ARHGAP32: variants seen among roughly 807,000 people sequenced by gnomAD.
ARHGAP32 encodes the protein rho GTPase-activating protein 32.
In ARHGAP32, 51 loss-of-function variants were observed where a neutral mutation model predicts 186.5. The observed-to-expected ratio is 0.27, with a 90% CI of 0.22 to 0.35. The LOEUF is 0.35. Among genes scored for constraint, ARHGAP32 ranks in the 10% least tolerant of loss-of-function variants. ARHGAP32 has a pLI of 1.00. For synonymous variants in ARHGAP32, 950 were observed against 964.3 expected (o/e 0.99, Z 0.27); for missense variants, 2,186 against 2,623.5 (o/e 0.83, Z 3.64).
In ARHGAP32 at chr11:129,151,021, A is replaced by C. The variant is rs184186693; in HGVS notation, c.225+13298T>G. 5.0e-3 allele frequency among the ~76,000 whole-genome samples: 757 copies of C among 152,212 alleles called. 1 individual carries two copies. Among genetic ancestry groups the C allele is most frequent in the African/African-American group, 0.018 (729 of 41,562 alleles). On this transcript the variant is annotated intron_variant, in intron 2 of 22. Transcript: ENST00000682385. ...GACAACTCAACAAAACTTAAGGTAA[A>C]GGGGTGGGAAAAGATATTCCACACA...
chr11:129,053,497 A>T (rs923961761), intron 10 of ARHGAP32, among the ~76,000 whole-genome samples: 7 of 152,176 alleles, frequency 4.6e-5, no homozygotes, highest in Non-Finnish European at 1.0e-4. Context: ...TGATTCACAC[A>T]AGTAAACAAG....
chr11:129,124,941 C>T (rs762905961), intron 2 of ARHGAP32, 47 bp from the exon 3 acceptor site: 2 of 1,432,476 alleles, frequency 1.4e-6, no homozygotes, highest in East Asian at 4.6e-5. Flanking sequence ...TTTAGTATTA[C>T]ACTTTTTTAA....
intron 11 of ARHGAP32, 107 bp downstream of exon 11, chr11:129,040,821 C>A: frequency 1.5e-6 from 1 of 668,060 alleles, no homozygotes. Flanking sequence ...AATTATTATG[C>A]CTATAAATGC....
intron 2 of ARHGAP32, among the ~76,000 whole-genome samples, chr11:129,148,094 T>C (rs1007592580): frequency 2.0e-5 from 3 of 152,196 alleles, no homozygotes; most frequent in Admixed American, 6.5e-5. Context: ...AGATGGTGGA[T>C]AGCAGACAAT....
intron 2 of ARHGAP32, among the ~76,000 whole-genome samples, chr11:129,129,398 C>T (rs1474572144): frequency 6.6e-6 from 1 of 150,976 alleles, no homozygotes; most frequent in Non-Finnish European, 1.5e-5. Context: ...CGGCAGCCGC[C>T]CAGTCCGGGA....
At chr11:128,985,852 G>GTATATATATATATA (rs1356966729) in intron 15 of ARHGAP32, 151 bp downstream of exon 15, 13 of 129,748 alleles carry the variant, frequency 1.0e-4, no homozygotes, top group Admixed American at 1.9e-4. Context: ...GTGTGTGTGT[G>GTATATATATATATA]TGTGTGTATA....
At chr11:128,999,990 T>C (rs1404101218) in intron 11 of ARHGAP32, among the ~76,000 whole-genome samples, 1 of 152,224 alleles carries the variant, frequency 6.6e-6, no homozygotes, top group Non-Finnish European at 1.5e-5. Context: ...TTTTACTTGA[T>C]GGTTAGAAAT....
chr11:129,119,927 G>C (rs750353835), intron 5 of ARHGAP32, among the ~76,000 whole-genome samples: 8 of 152,058 alleles, frequency 5.3e-5, no homozygotes, highest in Non-Finnish European at 1.2e-4. Flanking sequence ...AGGTCGGAAA[G>C]GTAAGGGTAC....
intron 11 of ARHGAP32, chr11:129,023,873 C>T (rs1035570061): frequency 2.9e-5 from 29 of 983,650 alleles, no homozygotes; most frequent in Non-Finnish European, 3.4e-5. Flanking sequence ...TGTTGTGGTA[C>T]AAGTTTTAAG....
At chr11:129,210,547 A>G (rs1944566297) in intron 1 of ARHGAP32, among the ~76,000 whole-genome samples, 1 of 152,134 alleles carries the variant, frequency 6.6e-6, no homozygotes, top group South Asian at 2.1e-4. Flanking sequence ...TTTTCAAATT[A>G]TTACCCAGTC....
At chr11:129,130,238 C>G (rs556243156) in intron 2 of ARHGAP32, among the ~76,000 whole-genome samples, 55 of 152,166 alleles carry the variant, frequency 3.6e-4, no homozygotes, top group African/African-American at 1.3e-3. Context: ...TTCAAAAGAA[C>G]AGCATTGTCA....
chr11:129,261,006 T>A (rs1036308353), intron 1 of ARHGAP32, among the ~76,000 whole-genome samples: 1 of 152,006 alleles, frequency 6.6e-6, no homozygotes, highest in African/African-American at 2.4e-5. Flanking sequence ...CAAACACTTC[T>A]AGAAAGCTGA....
intron 2 of ARHGAP32, among the ~76,000 whole-genome samples, chr11:129,151,782 G>C (rs1943293891): frequency 6.6e-6 from 1 of 151,990 alleles, no homozygotes; most frequent in African/African-American, 2.4e-5. Flanking sequence ...AGTGAAAACA[G>C]ACTATCTAAG....
chr11:129,058,960 A>AT (rs1047350796), intron 10 of ARHGAP32, among the ~76,000 whole-genome samples: 30 of 152,230 alleles, frequency 2.0e-4, no homozygotes, highest in African/African-American at 5.5e-4. Flanking sequence ...CATACAATTG[A>AT]TTAATCATCA....
rs144175516 is a variant in ARHGAP32, at chr11:129,109,939, T to C, written c.444+13507A>G. ...GATTGTTTCCTAGCTGTGCAAAAGG[T>C]TCTTAGTTTAATAGAGTATCATTTG... is the stretch of plus-strand genomic sequence containing the variant. On this transcript the variant is annotated intron_variant, in intron 5 of 22. Transcript: ENST00000682385. Among the ~76,000 whole-genome samples the C allele has an allele frequency of 6.6e-5, 10 of 152,238 alleles. No homozygotes were observed. The East Asian group carries it at 1.9e-3, about 29-fold the overall frequency.
chr11:129,059,994 C>T (rs1051459618), intron 10 of ARHGAP32, among the ~76,000 whole-genome samples: 5 of 152,134 alleles, frequency 3.3e-5, no homozygotes, highest in African/African-American at 1.2e-4. Flanking sequence ...GGTTACAAAT[C>T]AATCTTTGAA....
At chr11:129,257,571 C>G (rs1038897067) in intron 1 of ARHGAP32, among the ~76,000 whole-genome samples, 17 of 152,034 alleles carry the variant, frequency 1.1e-4, no homozygotes, top group African/African-American at 3.9e-4. Flanking sequence ...CTCAGGAGTT[C>G]AAGTCCAGAC....
intron 1 of ARHGAP32, among the ~76,000 whole-genome samples, chr11:129,251,933 C>CAAAAAAAAA (rs11443635): frequency 7.4e-6 from 1 of 134,338 alleles, no homozygotes; most frequent in Non-Finnish European, 1.6e-5. Context: ...GACTTCATCT[C>CAAAAAAAAA]AAAAAAAAAA....
At chr11:129,086,637 C>A (rs189094703) in intron 6 of ARHGAP32, among the ~76,000 whole-genome samples, 11 of 151,908 alleles carry the variant, frequency 7.2e-5, no homozygotes, top group Admixed American at 3.9e-4. Flanking sequence ...CCGGCTAGCA[C>A]GGTGAAACCC....
Sources: gnomAD v4.1 joint callset for allele counts (sites outside exome capture counted in the v4.1 genomes callset) on GRCh38, gnomAD v4.1.1 for gene constraint, MANE v1.5 for transcripts, NCBI Gene and HGNC (gene_info 2026-07-23, HGNC 2026-07-21) for gene names.